The following STAG1 variants were observed in gnomAD, a reference collection of about 807,000 sequenced individuals.
STAG1 encodes STAG1 cohesin complex component, also known as cohesin subunit SA-1.
A neutral mutation model predicts 170.9 loss-of-function variants in STAG1; 26 were observed. The ratio of observed to expected loss-of-function variants is 0.15; its 90% CI spans 0.11 to 0.21. STAG1 has a LOEUF of 0.21. Ranked by LOEUF, STAG1 falls within the 10% of genes least tolerant of loss-of-function variation. The pLI, the probability that STAG1 is intolerant of heterozygous loss-of-function variation, is 1.00. For synonymous variants in STAG1, 514 were observed against 497.7 expected (o/e 1.03, Z -0.44); for missense variants, 964 against 1,509.5 (o/e 0.64, Z 5.99).
chr3:136,436,792 TACA>T (rs1235956128), intron 15 of STAG1, among the ~76,000 whole-genome samples: 8 of 152,216 alleles, frequency 5.3e-5, no homozygotes, highest in African/African-American at 1.2e-4. Flanking sequence ...GCAAAAAAGA[TACA>T]ACATCTTGTT....
At chr3:136,432,526 G>T (rs966235409) in intron 16 of STAG1, among the ~76,000 whole-genome samples, 3 of 139,564 alleles carry the variant, frequency 2.1e-5, no homozygotes, top group African/African-American at 5.2e-5. Flanking sequence ...GGGGGGGGGG[G>T]GCACAGAGTC....
intron 1 of STAG1, among the ~76,000 whole-genome samples, chr3:136,687,617 G>C (rs748217016): frequency 2.6e-5 from 4 of 152,148 alleles, no homozygotes; most frequent in Non-Finnish European, 5.9e-5. Context: ...ATCATGGATA[G>C]ATGAGGGTTT....
chr3:136,485,350 G>A (rs771751094), intron 9 of STAG1, among the ~76,000 whole-genome samples: 5 of 151,956 alleles, frequency 3.3e-5, no homozygotes, highest in African/African-American at 4.8e-5. Context: ...CCAGCTACTC[G>A]AGAGGCTGAG....
At chr3:136,470,565 G>T (rs985244744) in intron 12 of STAG1, among the ~76,000 whole-genome samples, 7 of 152,206 alleles carry the variant, frequency 4.6e-5, no homozygotes, top group Admixed American at 2.6e-4. Context: ...AACCATTGTG[G>T]AAGACAGTGT....
chr3:136,427,864 T>A (rs1329935233), intron 16 of STAG1, among the ~76,000 whole-genome samples: 1 of 152,094 alleles, frequency 6.6e-6, no homozygotes, highest in Non-Finnish European at 1.5e-5. Flanking sequence ...GCCAAAGGAA[T>A]GTGAAGGTTA....
At chr3:136,495,306 A>G (rs1447791819) in intron 9 of STAG1, among the ~76,000 whole-genome samples, 2 of 152,228 alleles carry the variant, frequency 1.3e-5, no homozygotes, top group Non-Finnish European at 2.9e-5. Context: ...ATTCAATTTT[A>G]AAGGTTCATA....
At chr3:136,503,879 A>G (rs1055289554) in intron 7 of STAG1, among the ~76,000 whole-genome samples, 1 of 151,804 alleles carries the variant, frequency 6.6e-6, no homozygotes, top group African/African-American at 2.4e-5. Context: ...GGGATTACAG[A>G]CATGCACCAC....
At chr3:136,654,588 T>C (rs773939515) in intron 1 of STAG1, among the ~76,000 whole-genome samples, 2 of 152,200 alleles carry the variant, frequency 1.3e-5, no homozygotes, top group Non-Finnish European at 2.9e-5. Flanking sequence ...TGCAAACCCT[T>C]TCAAAATAAC....
chr3:136,496,067 CT>C (rs1275807024), intron 9 of STAG1, among the ~76,000 whole-genome samples: 1 of 151,510 alleles, frequency 6.6e-6, no homozygotes, highest in Admixed American at 6.6e-5. Flanking sequence ...CCACTTGGAT[CT>C]GGGAGGCAGA....
At chr3:136,738,975 A>T (rs1004021422) in intron 1 of STAG1, among the ~76,000 whole-genome samples, 4 of 152,214 alleles carry the variant, frequency 2.6e-5, no homozygotes, top group Admixed American at 1.3e-4. Context: ...CCCATCTTAA[A>T]AATGAGAAAA....
chr3:136,633,323 A>G (rs1940407724), intron 1 of STAG1, among the ~76,000 whole-genome samples: 1 of 152,184 alleles, frequency 6.6e-6, no homozygotes, highest in African/African-American at 2.4e-5. Flanking sequence ...ATAACCAGTA[A>G]AACTATCCCT....
At chr3:136,426,342 G>A (rs1214114278) in intron 16 of STAG1, among the ~76,000 whole-genome samples, 1 of 152,146 alleles carries the variant, frequency 6.6e-6, no homozygotes, top group Non-Finnish European at 1.5e-5. Flanking sequence ...CCCCCAGGGG[G>A]CGGAGCCTGC....
At chr3:136,485,754 C>T (rs188732497) in intron 9 of STAG1, among the ~76,000 whole-genome samples, 2 of 152,272 alleles carry the variant, frequency 1.3e-5, no homozygotes, top group Non-Finnish European at 2.9e-5. Flanking sequence ...TATTGTTTTA[C>T]ATAAATATTA....
intron 1 of STAG1, among the ~76,000 whole-genome samples, chr3:136,699,871 G>C (rs1943000426): frequency 6.6e-6 from 1 of 151,948 alleles, no homozygotes; most frequent in Non-Finnish European, 1.5e-5. Context: ...TTTTCTGAAA[G>C]AAAAATACTT....
chr3:136,615,025 T>C (rs1490837330), intron 3 of STAG1, among the ~76,000 whole-genome samples: 1 of 152,040 alleles, frequency 6.6e-6, no homozygotes, highest in Non-Finnish European at 1.5e-5. Flanking sequence ...TTATGATAAG[T>C]GCTAAAAACC....
intron 21 of STAG1, among the ~76,000 whole-genome samples, chr3:136,412,254 AGAAAG>A (rs2087644926): frequency 6.6e-6 from 1 of 152,214 alleles, no homozygotes; most frequent in African/African-American, 2.4e-5. Context: ...GAATAAATGG[AGAAAG>A]GAAAGTTCTT....
intron 9 of STAG1, among the ~76,000 whole-genome samples, chr3:136,485,237 C>T (rs1474316733): frequency 6.6e-6 from 1 of 152,130 alleles, no homozygotes; most frequent in Non-Finnish European, 1.5e-5. Context: ...GTGGGCAGAT[C>T]ACGAAGTCAG....
chr3:136,430,806 GACACACACACACACACACACACACACAC>G (rs35492621), intron 16 of STAG1, among the ~76,000 whole-genome samples: 8 of 131,104 alleles, frequency 6.1e-5, no homozygotes, highest in African/African-American at 1.2e-4. Context: ...GACATAGACA[GACACACACACACACACACACACACACAC>G]ACACACACAC....
At chr3:136,387,864 T>A (rs1439388252) in intron 22 of STAG1, among the ~76,000 whole-genome samples, 1 of 152,100 alleles carries the variant, frequency 6.6e-6, no homozygotes, top group Non-Finnish European at 1.5e-5. Flanking sequence ...TATACAAAGA[T>A]GAAGGAAGCT....
Sources: allele counts gnomAD v4.1 joint callset (sites outside exome capture counted in the v4.1 genomes callset), GRCh38; gene constraint gnomAD v4.1.1; transcripts MANE v1.5; gene names NCBI Gene and HGNC (gene_info 2026-07-23, HGNC 2026-07-21).